The following LMX1A variants were observed in gnomAD, a reference collection of about 807,000 sequenced individuals.
LMX1A encodes the protein LIM homeobox transcription factor 1 alpha, also known as LIM homeobox transcription factor 1-alpha.
In LMX1A, 15 loss-of-function variants were observed where a neutral mutation model predicts 49.1. That is an observed-to-expected ratio of 0.31 (90% CI 0.20 to 0.47). The LOEUF is 0.47. LMX1A is among the 20% of genes least tolerant of loss of function. The pLI is 1.00. For synonymous variants in LMX1A, 167 were observed against 185.7 expected (o/e 0.90, Z 0.82); for missense variants, 372 against 475.8 (o/e 0.78, Z 2.03).
At chr1:165,301,239 G>A (rs1448445338) in intron 3 of LMX1A, among the ~76,000 whole-genome samples, 1 of 151,990 alleles carries the variant, frequency 6.6e-6, no homozygotes, top group African/African-American at 2.4e-5. Flanking sequence ...TGGTTCCATT[G>A]GGTGTTACAC....
At chr1:165,292,053 C>A (rs1654486343) in intron 3 of LMX1A, among the ~76,000 whole-genome samples, 1 of 110,248 alleles carries the variant, frequency 9.1e-6, no homozygotes, top group East Asian at 2.5e-4. Context: ...CAGAGCGAAA[C>A]TCCGTCTCAA....
intron 3 of LMX1A, among the ~76,000 whole-genome samples, chr1:165,306,972 C>G (rs1187425646): frequency 6.6e-6 from 1 of 152,366 alleles, no homozygotes; most frequent in African/African-American, 2.4e-5. Context: ...GGCAGCAACT[C>G]TCCCCATGTC....
At chr1:165,352,763 A>C (rs192307829) in intron 3 of LMX1A, among the ~76,000 whole-genome samples, 54 of 152,366 alleles carry the variant, frequency 3.5e-4, no homozygotes, top group Admixed American at 1.3e-3. Context: ...AGGCTAACAA[A>C]GAGTGGCCTC....
At chr1:165,304,762 A>C (rs898352906) in intron 3 of LMX1A, among the ~76,000 whole-genome samples, 1 of 152,050 alleles carries the variant, frequency 6.6e-6, no homozygotes, top group Non-Finnish European at 1.5e-5. Context: ...TAATCTAGCA[A>C]TGCTGAACTT....
chr1:165,201,892 T>TCTTGGTATG lies in LMX1A; in HGVS notation c.*1979_*1987dup, dbSNP rs1309756073. ...TCATTTGTAAGAGATTTTAATTTCA[T>TCTTGGTATG]CTTGGTATGCCATTAAGGAGTGGAA... On this transcript the variant is annotated 3_prime_UTR_variant, in exon 9 of 9. Coordinates refer to ENST00000342310, the MANE Select transcript of LMX1A (RefSeq NM_177398.4). 6.6e-6 allele frequency: 1 copy of TCTTGGTATG among 152,418 alleles called. No individual in the cohort carries two copies. Among genetic ancestry groups the TCTTGGTATG allele is most frequent in the Non-Finnish European group, 1.5e-5 (1 of 68,040 alleles). The allele number at this position is 152,418 out of a possible 1,614,324, so 9.4% of individuals were successfully genotyped here.
At chr1:165,268,736 T>G (rs1447481061) in intron 3 of LMX1A, among the ~76,000 whole-genome samples, 1 of 152,226 alleles carries the variant, frequency 6.6e-6, no homozygotes, top group Non-Finnish European at 1.5e-5. Flanking sequence ...ATGGGCTTAG[T>G]GACACCCATG....
intron 3 of LMX1A, among the ~76,000 whole-genome samples, chr1:165,289,363 C>A (rs544964050): frequency 1.3e-5 from 2 of 152,206 alleles, no homozygotes; most frequent in East Asian, 3.9e-4. Flanking sequence ...AGCATTCTAG[C>A]ATGTGTTTGG....
intron 3 of LMX1A, among the ~76,000 whole-genome samples, chr1:165,283,357 TA>T (rs1223055430): frequency 2.0e-5 from 3 of 152,216 alleles, no homozygotes; most frequent in Non-Finnish European, 4.4e-5. Flanking sequence ...CAGAATCTCC[TA>T]ACAACAGATC....
chr1:165,287,345 T>C (rs907275254), intron 3 of LMX1A, among the ~76,000 whole-genome samples: 1 of 152,196 alleles, frequency 6.6e-6, no homozygotes, highest in African/African-American at 2.4e-5. Flanking sequence ...CCTCTATTCC[T>C]GATAGGTAAA....
chr1:165,228,412 A>C (rs1196925800), intron 4 of LMX1A, among the ~76,000 whole-genome samples: 2 of 152,250 alleles, frequency 1.3e-5, no homozygotes, highest in Non-Finnish European at 2.9e-5. Context: ...TTTGCATCTC[A>C]ACAACCTCAT....
intron 4 of LMX1A, among the ~76,000 whole-genome samples, chr1:165,245,093 A>G: frequency 6.6e-6 from 1 of 152,156 alleles, no homozygotes; most frequent in East Asian, 1.9e-4. Flanking sequence ...TTTTTAAAAA[A>G]TAATTTCAAC....
At chr1:165,327,864 C>T (rs1428819136) in intron 3 of LMX1A, among the ~76,000 whole-genome samples, 1 of 152,214 alleles carries the variant, frequency 6.6e-6, no homozygotes. Flanking sequence ...CATTGTAAAT[C>T]CTTCTCACTA....
chr1:165,275,662 C>T (rs1459796630), intron 3 of LMX1A, among the ~76,000 whole-genome samples: 1 of 152,086 alleles, frequency 6.6e-6, no homozygotes, highest in Non-Finnish European at 1.5e-5. Flanking sequence ...AATCCTTCTC[C>T]AGGGAAGAAG....
intron 3 of LMX1A, among the ~76,000 whole-genome samples, chr1:165,251,394 T>C (rs1653056916): frequency 6.6e-6 from 1 of 152,206 alleles, no homozygotes; most frequent in Non-Finnish European, 1.5e-5. Context: ...GAATGGTTTT[T>C]TAACACGGTA....
At chr1:165,208,478 C>T (rs1457533272) in intron 6 of LMX1A, among the ~76,000 whole-genome samples, 1 of 152,084 alleles carries the variant, frequency 6.6e-6, no homozygotes, top group Admixed American at 6.6e-5. Context: ...GCAGCCCAGC[C>T]TAGACGTATG....
chr1:165,349,189 G>C (rs73019175), intron 3 of LMX1A, among the ~76,000 whole-genome samples: 5,248 of 152,284 alleles, frequency 0.034, 285 homozygotes, highest in African/African-American at 0.11. Context: ...ATCCCTTCTA[G>C]AGGGCTTAAT....
At chr1:165,283,954 C>T (rs1038515372) in intron 3 of LMX1A, among the ~76,000 whole-genome samples, 1 of 152,192 alleles carries the variant, frequency 6.6e-6, no homozygotes, top group Non-Finnish European at 1.5e-5. Flanking sequence ...GCTGAATACT[C>T]ATGGCCTGGA....
intron 3 of LMX1A, among the ~76,000 whole-genome samples, chr1:165,346,870 A>G (rs1287394757): frequency 6.6e-6 from 1 of 152,190 alleles, no homozygotes; most frequent in Non-Finnish European, 1.5e-5. Context: ...CCAGGGCCAT[A>G]GCAATTTTAT....
intron 3 of LMX1A, among the ~76,000 whole-genome samples, chr1:165,309,623 G>T (rs368615940): frequency 3.9e-4 from 60 of 152,280 alleles, no homozygotes; most frequent in African/African-American, 1.3e-3. Flanking sequence ...GGGGTAATTT[G>T]TACTCCCCAC....
Sources: gnomAD v4.1 joint callset for allele counts (sites outside exome capture counted in the v4.1 genomes callset) on GRCh38, gnomAD v4.1.1 for gene constraint, MANE v1.5 for transcripts, NCBI Gene and HGNC (gene_info 2026-07-23, HGNC 2026-07-21) for gene names.